Variants in ELOC observed in about 807,000 individuals in gnomAD.
ELOC encodes the protein elongin C.
For synonymous variants in ELOC, 40 were observed against 51.3 expected (o/e 0.78, Z 0.94); for missense variants, 38 against 139.0 (o/e 0.27, Z 3.65).
At chr8:73,971,617 C>A (rs1046667884) in intron 1 of ELOC, among the ~76,000 whole-genome samples, 2 of 151,970 alleles carry the variant, frequency 1.3e-5, no homozygotes, top group African/African-American at 4.8e-5. Context: ...CTCATGAAGT[C>A]GAGCATAGAA....
At chr8:73,962,679 A>C (rs1365145089) in intron 1 of ELOC, among the ~76,000 whole-genome samples, 5 of 152,342 alleles carry the variant, frequency 3.3e-5, no homozygotes, top group African/African-American at 1.2e-4. Context: ...TAGGATGTTT[A>C]TCTAACTAGC....
Position 73,950,507 on chromosome 8 carries a change from C to T in ELOC, c.149-3687G>A, listed in dbSNP as rs1813684302. Among the ~76,000 whole-genome samples, 3 of 152,222 alleles carry T rather than the reference C, an allele frequency of 2.0e-5. No individual in the cohort carries two copies. The South Asian group carries it at 6.2e-4, about 32-fold the overall frequency. ...ATAATATCTTATAGGAAAATTTTAG[C>T]TAATAAATGCAAAAAATTTTACAGA... On this transcript the variant is annotated intron_variant, in intron 3 of 3. Coordinates refer to ENST00000520242, the MANE Select transcript of ELOC (RefSeq NM_005648.4).
intron 2 of ELOC, among the ~76,000 whole-genome samples, chr8:73,957,820 T>C (rs1018945999): frequency 6.6e-6 from 1 of 152,154 alleles, no homozygotes; most frequent in Non-Finnish European, 1.5e-5. Flanking sequence ...AGTCTCACTT[T>C]TGTTGTGGAG....
chr8:73,962,367 G>T (rs566253356), intron 1 of ELOC, among the ~76,000 whole-genome samples: 1 of 152,174 alleles, frequency 6.6e-6, no homozygotes, highest in African/African-American at 2.4e-5. Flanking sequence ...TTCCATTATT[G>T]CCTACTACCA....
At position 73,946,526 on chromosome 8, in the gene ELOC, G is replaced by A. The variant is rs1381099947; in HGVS notation, c.*104C>T. ...TCTGCTTTGCAATGAACTTTATATA[G>A]TTCAACTGCATACAGGCAACATGCT... is the stretch of plus-strand genomic sequence containing the variant. On this transcript the variant is annotated 3_prime_UTR_variant, in exon 4 of 4. Transcript: ENST00000520242. 2 of 883,678 alleles carry A rather than the reference G, an allele frequency of 2.3e-6. No individual in the cohort carries two copies. 54.7% of individuals were successfully genotyped at this position (883,678 alleles called of 1,614,324 possible).
At chr8:73,948,797 T>C (rs900213027) in intron 3 of ELOC, among the ~76,000 whole-genome samples, 2 of 152,086 alleles carry the variant, frequency 1.3e-5, no homozygotes, top group Non-Finnish European at 2.9e-5. Flanking sequence ...ATGGCGCCAC[T>C]GTACTCCAGC....
At chr8:73,952,714 G>A (rs1165823881) in intron 3 of ELOC, among the ~76,000 whole-genome samples, 1 of 150,470 alleles carries the variant, frequency 6.6e-6, no homozygotes, top group Non-Finnish European at 1.5e-5. Flanking sequence ...CTGGGAGGTG[G>A]AGCTTGCAAT....
At chr8:73,949,211 G>A (rs980723566) in intron 3 of ELOC, among the ~76,000 whole-genome samples, 5 of 152,154 alleles carry the variant, frequency 3.3e-5, no homozygotes, top group Admixed American at 3.3e-4. Flanking sequence ...ATATCTGTTG[G>A]TTGGGGGTAT....
intron 3 of ELOC, among the ~76,000 whole-genome samples, chr8:73,948,232 T>C (rs1813513581): frequency 6.6e-6 from 1 of 151,952 alleles, no homozygotes; most frequent in East Asian, 1.9e-4. Context: ...TCATCAAGAC[T>C]GAATTTTAAA....
intron 3 of ELOC, among the ~76,000 whole-genome samples, chr8:73,949,344 T>C (rs139076529): frequency 1.1e-3 from 167 of 152,318 alleles, no homozygotes; most frequent in African/African-American, 3.8e-3. Flanking sequence ...ATATTGCCTA[T>C]AGGCACTTAT....
chr8:73,951,132 G>C (rs764697027), intron 3 of ELOC, among the ~76,000 whole-genome samples: 2 of 152,112 alleles, frequency 1.3e-5, no homozygotes, highest in African/African-American at 4.8e-5. Flanking sequence ...TTAGCTGGGC[G>C]TGGTGGCGGC....
intron 3 of ELOC, among the ~76,000 whole-genome samples, chr8:73,947,724 GCCA>G (rs1813474122): frequency 6.6e-6 from 1 of 151,698 alleles, no homozygotes; most frequent in Admixed American, 6.6e-5. Context: ...ACAGGTGAGC[GCCA>G]CCATGTCTGG....
In ELOC at chr8:73,946,541, G is replaced by A; in HGVS notation, c.*89C>T. ...ACTTTATATAGTTCAACTGCATACA[G>A]GCAACATGCTATATATGAAAAAGTT... On this transcript the variant is annotated 3_prime_UTR_variant, in exon 4 of 4. Coordinates refer to ENST00000520242, the MANE Select transcript of ELOC (RefSeq NM_005648.4). 9.7e-7 allele frequency: 1 copy of A among 1,028,346 alleles called. No individual in the cohort carries two copies. Among genetic ancestry groups the A allele is most frequent in the Non-Finnish European group, 1.4e-6 (1 of 723,510 alleles). 63.7% of individuals were successfully genotyped at this position (1,028,346 alleles called of 1,614,324 possible).
intron 1 of ELOC, among the ~76,000 whole-genome samples, chr8:73,961,973 G>A (rs954776676): frequency 1.3e-5 from 2 of 152,122 alleles, no homozygotes; most frequent in Admixed American, 6.5e-5. Context: ...TTGGCTCACT[G>A]CAACCTCTGC....
intron 1 of ELOC, among the ~76,000 whole-genome samples, chr8:73,969,247 C>T (rs899668666): frequency 6.6e-6 from 1 of 152,216 alleles, no homozygotes; most frequent in African/African-American, 2.4e-5. Flanking sequence ...TTCCCCATTT[C>T]AGTACATGCA....
chr8:73,947,057 C>T (rs113899393), intron 3 of ELOC, among the ~76,000 whole-genome samples: 1 of 152,080 alleles, frequency 6.6e-6, no homozygotes, highest in Non-Finnish European at 1.5e-5. Flanking sequence ...GGCGGGATCT[C>T]AGCTCACTGC....
rs1813406161 is a variant in ELOC at position 73,946,757 on chromosome 8, G to A, written c.212C>T (p.Ser71Leu). The part of the protein sequence containing the change: ...NFREIPSHVL[S>L]KVCMYFTYKV... ...GTACGTAAAATACATGCATACTTTC[G>A]ATAGCACATGTGAAGGTATCTCTCT... Residue 71 changes from serine to leucine, a missense_variant, in exon 4 of 4, where the codon TCG becomes TTG. Coordinates refer to ENST00000520242, the MANE Select transcript of ELOC (RefSeq NM_005648.4). 7 of 1,613,740 alleles carry A rather than the reference G, an allele frequency of 4.3e-6. No homozygotes were observed. Among genetic ancestry groups the A allele is most frequent in the African/African-American group, 1.3e-5 (1 of 74,934 alleles).
chr8:73,967,421 AC>A (rs1226536970), intron 1 of ELOC, among the ~76,000 whole-genome samples: 1 of 150,786 alleles, frequency 6.6e-6, no homozygotes, highest in African/African-American at 2.4e-5. Flanking sequence ...ATCCAACAAA[AC>A]TTTATTTATG....
In ELOC at chr8:73,946,927, T is replaced by G. The variant is rs115279454; in HGVS notation, c.149-107A>C. Reference sequence around the variant, plus strand: ...CACAGAATGTGGCTGTATTTAGAGATAAGTTCTTTAAAGAGGTAATTAAAA... The same window carrying G: ...CACAGAATGTGGCTGTATTTAGAGAGAAGTTCTTTAAAGAGGTAATTAAAA... On this transcript the variant is annotated intron_variant, in intron 3 of 3. Coordinates refer to ENST00000520242, the MANE Select transcript of ELOC (RefSeq NM_005648.4). The G allele has an allele frequency of 2.3e-3, 1,995 of 882,944 alleles. 29 individuals are homozygous for G. In the African/African-American group the frequency reaches 0.031, roughly 14 times the overall value. 54.7% of individuals were successfully genotyped at this position (882,944 alleles called of 1,614,324 possible).
Sources: gnomAD v4.1 joint callset for allele counts (sites outside exome capture counted in the v4.1 genomes callset) on GRCh38, gnomAD v4.1.1 for gene constraint, MANE v1.5 for transcripts, NCBI Gene and HGNC (gene_info 2026-07-23, HGNC 2026-07-21) for gene names.